Variants in SPMIP4 observed in about 807,000 individuals in gnomAD.
SPMIP4 encodes sperm microtubule inner protein 4, also known as sperm-associated microtubule inner protein 4.
At chr7:25,134,258 T>TCAAACA in the SPMIP4 span, among the ~76,000 whole-genome samples, 1,764 of 145,314 alleles carry the variant, frequency 0.012, 29 homozygotes, top group African/African-American at 0.044. Flanking sequence ...AGACTCTGAC[T>TCAAACA]TAAACAAAAA....
the SPMIP4 span, among the ~76,000 whole-genome samples, chr7:25,152,027 G>A: frequency 6.6e-6 from 1 of 152,132 alleles, no homozygotes; most frequent in Non-Finnish European, 1.5e-5. Flanking sequence ...CAGCATGTGG[G>A]CCACACAGAG....
the SPMIP4 span, among the ~76,000 whole-genome samples, chr7:25,141,336 G>A: frequency 6.6e-6 from 1 of 152,152 alleles, no homozygotes; most frequent in South Asian, 2.1e-4. Context: ...CACTTTGGGA[G>A]GCCGAGGCGG....
chr7:25,154,258 T>C, the SPMIP4 span, among the ~76,000 whole-genome samples: 1 of 152,256 alleles, frequency 6.6e-6, no homozygotes, highest in African/African-American at 2.4e-5. Flanking sequence ...AACTGCAGGA[T>C]AGGACAATTC....
At chr7:25,137,004 G>A in the SPMIP4 span, among the ~76,000 whole-genome samples, 2 of 152,148 alleles carry the variant, frequency 1.3e-5, no homozygotes. Flanking sequence ...TATGAAAGGG[G>A]CATGTTTTTT....
At chr7:25,179,015 T>C in the SPMIP4 span, among the ~76,000 whole-genome samples, 1 of 151,582 alleles carries the variant, frequency 6.6e-6, no homozygotes, top group Non-Finnish European at 1.5e-5. Flanking sequence ...CACTCCAGCC[T>C]GGGCGACAGA....
the SPMIP4 span, among the ~76,000 whole-genome samples, chr7:25,132,621 C>G: frequency 3.3e-5 from 5 of 152,186 alleles, no homozygotes; most frequent in Non-Finnish European, 7.4e-5. This position sits in a 1 kb window ranked among gnomAD's most constrained non-coding sequence, Gnocchi z 5.0. Context: ...GGGGAGGAGA[C>G]AGGAAAAGGA....
chr7:25,158,368 C>CAAAAAAAA, the SPMIP4 span: 60 of 302,058 alleles, frequency 2.0e-4, no homozygotes, highest in South Asian at 4.0e-4. Flanking sequence ...GACTCTGTCT[C>CAAAAAAAA]AAAAAAAAAA....
the SPMIP4 span, among the ~76,000 whole-genome samples, chr7:25,150,732 A>G: frequency 6.6e-6 from 1 of 152,212 alleles, no homozygotes; most frequent in Non-Finnish European, 1.5e-5. Flanking sequence ...TTCACAAACC[A>G]GATTTCTGTG....
the SPMIP4 span, among the ~76,000 whole-genome samples, chr7:25,172,287 T>G: frequency 6.6e-6 from 1 of 151,954 alleles, no homozygotes; most frequent in Non-Finnish European, 1.5e-5. This position sits in a 1 kb window ranked among gnomAD's most constrained non-coding sequence, Gnocchi z 4.2. Context: ...AGAAACTTGT[T>G]TGTTTGCTCT....
the SPMIP4 span, among the ~76,000 whole-genome samples, chr7:25,146,284 T>C: frequency 1.3e-5 from 2 of 152,062 alleles, no homozygotes; most frequent in Non-Finnish European, 2.9e-5. Context: ...CAGCGCTGCC[T>C]GAGATGGAAT....
At chr7:25,130,689 G>A in the SPMIP4 span, among the ~76,000 whole-genome samples, 4 of 152,110 alleles carry the variant, frequency 2.6e-5, no homozygotes, top group African/African-American at 7.2e-5. Flanking sequence ...CCTTTCATTA[G>A]TTTTTCAAGG....
the SPMIP4 span, chr7:25,134,778 C>T: frequency 1.0e-6 from 1 of 985,300 alleles, no homozygotes; most frequent in Non-Finnish European, 1.2e-6. Context: ...AGTGTGTACA[C>T]TATATCTCCC....
the SPMIP4 span, among the ~76,000 whole-genome samples, chr7:25,138,622 G>C: frequency 1.3e-5 from 2 of 152,192 alleles, no homozygotes; most frequent in African/African-American, 2.4e-5. This position sits in a 1 kb window ranked among gnomAD's most constrained non-coding sequence, Gnocchi z 6.2. Context: ...ATCAAAAAGA[G>C]AGAAATAAAT....
chr7:25,138,723 A>G, the SPMIP4 span, among the ~76,000 whole-genome samples: 1 of 152,342 alleles, frequency 6.6e-6, no homozygotes, highest in East Asian at 1.9e-4. The surrounding 1 kb of genome is among the most constrained non-coding windows in gnomAD (Gnocchi z 6.2). Flanking sequence ...AATGGTTTTG[A>G]AGTTTCCTAA....
chr7:25,146,089 T>C, the SPMIP4 span, among the ~76,000 whole-genome samples: 2 of 152,204 alleles, frequency 1.3e-5, no homozygotes, highest in Non-Finnish European at 2.9e-5. Context: ...ATTAGCACCA[T>C]TTTTACACTA....
At chr7:25,144,069 G>C in the SPMIP4 span, among the ~76,000 whole-genome samples, 5 of 152,176 alleles carry the variant, frequency 3.3e-5, no homozygotes, top group Admixed American at 6.5e-5. Context: ...GGAACAGCAG[G>C]AGCAGAGGTA....
the SPMIP4 span, among the ~76,000 whole-genome samples, chr7:25,169,049 G>C: frequency 6.6e-6 from 1 of 150,738 alleles, no homozygotes; most frequent in African/African-American, 2.4e-5. Flanking sequence ...TTTAAAAACA[G>C]GTTTATTGAG....
At chr7:25,129,648 GT>G in the SPMIP4 span, among the ~76,000 whole-genome samples, 1 of 152,058 alleles carries the variant, frequency 6.6e-6, no homozygotes, top group Non-Finnish European at 1.5e-5. Context: ...TGGGTGGATA[GT>G]TGTTCAATTT....
chr7:25,138,854 T>C, the SPMIP4 span, among the ~76,000 whole-genome samples: 1 of 152,262 alleles, frequency 6.6e-6, no homozygotes, highest in Non-Finnish European at 1.5e-5. The surrounding 1 kb of genome is among the most constrained non-coding windows in gnomAD (Gnocchi z 6.2). Flanking sequence ...AGATTTGCTA[T>C]GCTTTGAGAA....
Sources: gnomAD v4.1 joint callset for allele counts (sites outside exome capture counted in the v4.1 genomes callset) on GRCh38, gnomAD v4.1.1 for gene constraint, Gnocchi (gnomAD v3.1) non-coding constraint, MANE v1.5 for transcripts, NCBI Gene and HGNC (gene_info 2026-07-23, HGNC 2026-07-21) for gene names.